Variants in CD1B observed in about 807,000 individuals in gnomAD.
The protein encoded by CD1B is CD1b molecule, also known as T-cell surface glycoprotein CD1b.
CD1B carries 43 observed loss-of-function variants against 39.8 expected under a neutral mutation model. The ratio of observed to expected loss-of-function variants is 1.08; its 90% CI spans 0.85 to 1.39. The LOEUF is 1.39. Among genes scored for constraint, CD1B ranks in the 40% most tolerant of loss-of-function variants. The pLI, the probability that CD1B is intolerant of heterozygous loss-of-function variation, is 0.00. For synonymous variants in CD1B, 192 were observed against 152.5 expected (o/e 1.26, Z -1.91); for missense variants, 495 against 403.8 (o/e 1.23, Z -1.94).
chr1:158,298,999 C>T, the CD1B span, among the ~76,000 whole-genome samples: 1 of 152,072 alleles, frequency 6.6e-6, no homozygotes, highest in Non-Finnish European at 1.5e-5. Flanking sequence ...TAATTAAATA[C>T]CCTTTATTTC....
intron 2 of CD1B, chr1:158,330,489 A>C (rs568022370): frequency 1.7e-6 from 1 of 572,838 alleles, no homozygotes; most frequent in South Asian, 1.9e-5. Context: ...GCCACACGTT[A>C]GATCACTCAG....
At chr1:158,310,577 A>T in the CD1B span, among the ~76,000 whole-genome samples, 217 of 152,284 alleles carry the variant, frequency 1.4e-3, 1 homozygote, top group African/African-American at 4.4e-3. Flanking sequence ...TATGACAAAG[A>T]TCTAATACCC....
the CD1B span, among the ~76,000 whole-genome samples, chr1:158,305,324 G>A: frequency 1.3e-5 from 2 of 152,178 alleles, no homozygotes; most frequent in Non-Finnish European, 2.9e-5. Flanking sequence ...TCAAGTGGAA[G>A]AAAGGGTATC....
At chr1:158,299,821 TC>T in the CD1B span, among the ~76,000 whole-genome samples, 2 of 152,224 alleles carry the variant, frequency 1.3e-5, no homozygotes, top group Admixed American at 1.3e-4. Context: ...TTTTGTGGGA[TC>T]AGTGGTGATA....
chr1:158,323,993 T>G (rs1345624816), downstream of CD1B, among the ~76,000 whole-genome samples: 1 of 152,210 alleles, frequency 6.6e-6, no homozygotes, highest in Non-Finnish European at 1.5e-5. Context: ...GGTAAGTCTT[T>G]CTCTAGGTAT....
the CD1B span, among the ~76,000 whole-genome samples, chr1:158,313,987 TTTATA>T: frequency 6.6e-6 from 1 of 152,174 alleles, no homozygotes. Context: ...GTCCTTTGTA[TTTATA>T]TTATATTATT....
At chr1:158,322,479 C>A in the CD1B span, among the ~76,000 whole-genome samples, 1 of 63,772 alleles carries the variant, frequency 1.6e-5, no homozygotes, top group Admixed American at 1.9e-4. Context: ...GTTGCCCAGG[C>A]TGAACTCAAA....
At chr1:158,315,073 T>G in the CD1B span, among the ~76,000 whole-genome samples, 5 of 150,802 alleles carry the variant, frequency 3.3e-5, no homozygotes, top group African/African-American at 9.9e-5. Flanking sequence ...ACATTTGGGT[T>G]GGTTCCAAGT....
At chr1:158,289,767 C>T in the CD1B span, 2 of 279,094 alleles carry the variant, frequency 7.2e-6, no homozygotes, top group African/African-American at 2.2e-5. Flanking sequence ...TCTTTCAATG[C>T]CATACACCAC....
chr1:158,331,008 C>G lies in CD1B; in HGVS notation c.116G>C (p.Ser39Thr), dbSNP rs1193513127. 5 of 1,613,944 alleles carry G rather than the reference C, an allele frequency of 3.1e-6. No individual in the cohort carries two copies. The highest frequency in any genetic ancestry group is 2.2e-5 in the South Asian group (2 of 91,070). Residue 39 changes from serine to threonine, a missense_variant, in exon 2 of 6, where the codon AGT becomes ACT. Ser to Thr is a moderately conservative substitution (Grantham distance 58, BLOSUM62 1). Coordinates refer to ENST00000368168, the MANE Select transcript of CD1B (RefSeq NM_001764.3). ...TGAGCCTTGAGTTTGTGCCCAGGTA[C>G]TATTGGTAAAGGACGAGGTCTGGAT... is the stretch of plus-strand genomic sequence containing the variant. ...HVIQTSSFTN[S>T]TWAQTQGSGW...
the CD1B span, among the ~76,000 whole-genome samples, chr1:158,313,642 C>G: frequency 2.0e-5 from 3 of 152,086 alleles, no homozygotes; most frequent in Non-Finnish European, 2.9e-5. Flanking sequence ...GTTGTGTCAT[C>G]TAGTTTTTAT....
chr1:158,286,043 A>G, the CD1B span, among the ~76,000 whole-genome samples: 2 of 152,192 alleles, frequency 1.3e-5, no homozygotes, highest in Admixed American at 6.5e-5. Context: ...GGGGTGCAAA[A>G]GTCACCCACT....
At chr1:158,324,428 TC>T (rs1191217232), downstream of CD1B, among the ~76,000 whole-genome samples, 1 of 152,194 alleles carries the variant, frequency 6.6e-6, no homozygotes, top group Non-Finnish European at 1.5e-5. Context: ...TACCTCCTAT[TC>T]CACCATCTTT....
the CD1B span, among the ~76,000 whole-genome samples, chr1:158,318,147 G>A: frequency 6.6e-6 from 1 of 152,152 alleles, no homozygotes; most frequent in East Asian, 1.9e-4. Context: ...CTGTTGATTT[G>A]GGGTGGAGAG....
At chr1:158,317,722 T>C in the CD1B span, among the ~76,000 whole-genome samples, 2 of 152,228 alleles carry the variant, frequency 1.3e-5, no homozygotes, top group South Asian at 4.1e-4. Flanking sequence ...ATGTGTTTGC[T>C]CTTGCTTTTC....
chr1:158,307,849 C>T, the CD1B span, among the ~76,000 whole-genome samples: 5 of 152,122 alleles, frequency 3.3e-5, no homozygotes, highest in South Asian at 6.2e-4. Context: ...ATAATAAGAG[C>T]TATTTATGAC....
At chr1:158,289,961 T>G in the CD1B span, 1 of 1,006,938 alleles carries the variant, frequency 9.9e-7, no homozygotes, top group Non-Finnish European at 1.5e-6. Flanking sequence ...ATGGGGAAGA[T>G]TGTTGGTAGA....
At position 158,329,621 on chromosome 1, in the gene CD1B, C is replaced by A. The variant is rs1430198682; in HGVS notation, c.635G>T (p.Gly212Val). ...QVKPEAWLSS[G>V]PSPGPGRLQL... Reference sequence around the variant, plus strand: ...CAGACGGCCAGGTCCAGGACTGGGGCCACTGGACAGCCAGGCCTCAGGCTT... The same window carrying A: ...CAGACGGCCAGGTCCAGGACTGGGGACACTGGACAGCCAGGCCTCAGGCTT... Residue 212 changes from glycine to valine, a missense_variant, in exon 4 of 6, where the codon GGC (glycine) becomes GTC (valine). By Grantham distance (109) the Gly-to-Val change is moderately radical. Transcript: ENST00000368168. 1 of 1,614,018 alleles carries A rather than the reference C, an allele frequency of 6.2e-7. No individual in the cohort carries two copies. The highest frequency in any genetic ancestry group is 1.3e-5 in the African/African-American group (1 of 74,916).
chr1:158,327,135 T>G (rs1180664952), downstream of CD1B, among the ~76,000 whole-genome samples: 1 of 152,156 alleles, frequency 6.6e-6, no homozygotes, highest in Non-Finnish European at 1.5e-5. Flanking sequence ...CGCTGGCTGG[T>G]CCATTTTACA....
Sources: allele counts gnomAD v4.1 joint callset (sites outside exome capture counted in the v4.1 genomes callset), GRCh38; gene constraint gnomAD v4.1.1; transcripts MANE v1.5; gene names NCBI Gene and HGNC (gene_info 2026-07-23, HGNC 2026-07-21).